Variants in OTUD7A observed in about 807,000 individuals in gnomAD.
OTUD7A encodes the protein OTU deubiquitinase 7A.
In OTUD7A, 12 loss-of-function variants were observed where a neutral mutation model predicts 65.7. The observed-to-expected ratio is 0.18, with a 90% CI of 0.12 to 0.30. The LOEUF (loss-of-function observed/expected upper bound fraction) is 0.30. Among genes scored for constraint, OTUD7A ranks in the 10% least tolerant of loss-of-function variants. The pLI, the probability that OTUD7A is intolerant of heterozygous loss-of-function variation, is 1.00. For missense variants in OTUD7A, 1,148 were observed against 1,304.8 expected, an observed-to-expected ratio of 0.88 and a Z score of 1.85; for synonymous variants, 641 against 586.3, an observed-to-expected ratio of 1.09 and a Z score of -1.35.
intron 5 of OTUD7A, among the ~76,000 whole-genome samples, chr15:31,549,955 C>T (rs1264762780): frequency 6.6e-6 from 1 of 151,956 alleles, no homozygotes; most frequent in Non-Finnish European, 1.5e-5. Context: ...CAAAAATTAG[C>T]TGGGTTTGGT....
intron 8 of OTUD7A, among the ~76,000 whole-genome samples, chr15:31,519,545 T>C (rs1358076099): frequency 1.3e-5 from 2 of 152,204 alleles, no homozygotes; most frequent in Non-Finnish European, 2.9e-5. Flanking sequence ...GCTAACAGCA[T>C]ACTTAATGGG....
intron 1 of OTUD7A, among the ~76,000 whole-genome samples, chr15:31,684,836 G>A (rs1892799402): frequency 6.7e-6 from 1 of 149,052 alleles, no homozygotes; most frequent in African/African-American, 2.5e-5. Context: ...CCCAAGGGCA[G>A]GGGACAACAC....
chr15:31,505,599 G>A (rs1431090925), intron 8 of OTUD7A, among the ~76,000 whole-genome samples: 3 of 152,078 alleles, frequency 2.0e-5, no homozygotes, highest in Non-Finnish European at 4.4e-5. Context: ...TTTAAGAGAA[G>A]TAATTTTTCG....
At chr15:31,653,818 T>G (rs79270988) in intron 3 of OTUD7A, among the ~76,000 whole-genome samples, 1 of 152,018 alleles carries the variant, frequency 6.6e-6, no homozygotes, top group Non-Finnish European at 1.5e-5. Context: ...CCTATAAGGC[T>G]GTCTAGACAT....
chr15:31,671,413 T>C (rs1462238296), intron 1 of OTUD7A, among the ~76,000 whole-genome samples: 1 of 152,214 alleles, frequency 6.6e-6, no homozygotes, highest in Non-Finnish European at 1.5e-5. Flanking sequence ...TTCTGTTCCA[T>C]TGGTCTATGT....
intron 1 of OTUD7A, among the ~76,000 whole-genome samples, chr15:31,723,399 C>G (rs1259977222): frequency 7.5e-5 from 9 of 120,108 alleles, no homozygotes; most frequent in South Asian, 3.6e-4. Context: ...ACGCCACCCC[C>G]CCCCCCCCGC....
chr15:31,784,627 G>C (rs1384250767), intron 1 of OTUD7A, among the ~76,000 whole-genome samples: 4 of 151,960 alleles, frequency 2.6e-5, no homozygotes, highest in Non-Finnish European at 5.9e-5. Flanking sequence ...AAGCTCTTTA[G>C]GCACCACGAT....
intron 3 of OTUD7A, among the ~76,000 whole-genome samples, chr15:31,619,272 C>G (rs1890696963): frequency 6.6e-6 from 1 of 152,016 alleles, no homozygotes. Flanking sequence ...TTTTTTGGTT[C>G]CATATCAACT....
chr15:31,740,767 G>A lies in OTUD7A; in HGVS notation c.-99-83690C>T, dbSNP rs568149217. ...AAAGTAATAAATTGGCAGACTGAAC[G>A]CAAGATTCAACTATATGCTGTTTAT... is the stretch of plus-strand genomic sequence containing the variant. On this transcript the variant is annotated intron_variant, in intron 1 of 12. Coordinates refer to ENST00000307050, the MANE Select transcript of OTUD7A (RefSeq NM_001382637.1). 1.8e-4 allele frequency among the ~76,000 whole-genome samples: 27 copies of A among 152,234 alleles called. No individual in the cohort carries two copies. The South Asian group carries it at 5.6e-3, about 32-fold the overall frequency.
At chr15:31,821,110 T>C (rs7163641) in intron 1 of OTUD7A, among the ~76,000 whole-genome samples, 18,940 of 150,522 alleles carry the variant, frequency 0.13, 1,539 homozygotes, top group East Asian at 0.45. Context: ...TCAATCGTTG[T>C]GGCATAAATC....
intron 8 of OTUD7A, 34 bp from the exon 9 acceptor site, chr15:31,503,852 C>G: frequency 6.2e-7 from 1 of 1,613,148 alleles, no homozygotes; most frequent in Non-Finnish European, 8.5e-7. Flanking sequence ...TGGTCACTGA[C>G]TAAAACAGGG....
At chr15:31,743,273 G>C (rs149973727) in intron 1 of OTUD7A, among the ~76,000 whole-genome samples, 1,927 of 151,530 alleles carry the variant, frequency 0.013, 56 homozygotes, top group Non-Finnish European at 0.011. Context: ...AGACAAAAAA[G>C]GAATTAATCT....
At position 31,758,833 on chromosome 15, in the gene OTUD7A, C is replaced by T. The variant is rs377406722; in HGVS notation, c.-99-101756G>A. Reference sequence around the variant, plus strand: ...ACGCTGCACCCCACCCAGTATTTACCATACAAAAAAAACTGGGGAGCTTTT... The same window carrying T: ...ACGCTGCACCCCACCCAGTATTTACTATACAAAAAAAACTGGGGAGCTTTT... On this transcript the variant is annotated intron_variant, in intron 1 of 12. Transcript: ENST00000307050. 5.9e-4 allele frequency among the ~76,000 whole-genome samples: 89 copies of T among 151,730 alleles called. No homozygotes were observed. In the South Asian group the frequency reaches 8.9e-3, roughly 15 times the overall value.
At chr15:31,866,464 C>G (rs1463697268) in intron 1 of OTUD7A, among the ~76,000 whole-genome samples, 1 of 152,196 alleles carries the variant, frequency 6.6e-6, no homozygotes, top group East Asian at 1.9e-4. Context: ...TTTTAACCCA[C>G]TTCTCCCGTC....
intron 1 of OTUD7A, among the ~76,000 whole-genome samples, chr15:31,715,963 C>A (rs867604676): frequency 0.054 from 1,846 of 34,222 alleles, 232 homozygotes; most frequent in African/African-American, 0.084. Context: ...CAGTGAGACG[C>A]AAATAGAGAG....
Position 31,568,705 on chromosome 15 carries a change from C to T in OTUD7A, c.331+1313G>A, listed in dbSNP as rs528021123. Among the ~76,000 whole-genome samples, 13 of 152,308 alleles carry T rather than the reference C, an allele frequency of 8.5e-5. No individual in the cohort carries two copies. In the East Asian group the frequency reaches 9.6e-4, roughly 11 times the overall value. On this transcript the variant is annotated intron_variant, in intron 4 of 12. Coordinates refer to ENST00000307050, the MANE Select transcript of OTUD7A (RefSeq NM_001382637.1). ...GGCCTAGTGGGAGGTGTTTGGATCA[C>T]GGGGGCAGATCCCTCATGAATGGCT...
intron 3 of OTUD7A, among the ~76,000 whole-genome samples, chr15:31,640,677 A>C (rs1020428147): frequency 6.6e-6 from 1 of 151,246 alleles, no homozygotes; most frequent in Non-Finnish European, 1.5e-5. Context: ...TTAACTTTCC[A>C]ATTTGTTTCA....
intron 3 of OTUD7A, among the ~76,000 whole-genome samples, chr15:31,577,705 A>C (rs1317998627): frequency 6.6e-6 from 1 of 151,896 alleles, no homozygotes; most frequent in Non-Finnish European, 1.5e-5. Flanking sequence ...GTCTCAAAAA[A>C]TATATATATA....
intron 8 of OTUD7A, among the ~76,000 whole-genome samples, chr15:31,525,374 A>C (rs1162259452): frequency 2.0e-5 from 3 of 152,222 alleles, no homozygotes; most frequent in Non-Finnish European, 4.4e-5. Flanking sequence ...AGGGTGTGCC[A>C]GCGTATGTGG....
Sources: allele counts gnomAD v4.1 joint callset (sites outside exome capture counted in the v4.1 genomes callset), GRCh38; gene constraint gnomAD v4.1.1; transcripts MANE v1.5; gene names NCBI Gene and HGNC (gene_info 2026-07-23, HGNC 2026-07-21).